The following CHRM3 variants were observed in gnomAD, a reference collection of about 807,000 sequenced individuals.
The protein encoded by CHRM3 is muscarinic acetylcholine receptor M3.
CHRM3 carries 11 observed loss-of-function variants against 41.8 expected under a neutral mutation model. That is an observed-to-expected ratio of 0.26 (90% CI 0.17 to 0.44). The LOEUF (loss-of-function observed/expected upper bound fraction) is 0.44, where lower values mean the gene tolerates loss of function less well. Among genes scored for constraint, CHRM3 ranks in the 20% least tolerant of loss-of-function variants. The pLI is 1.00. For missense variants in CHRM3, 571 were observed against 745.4 expected, an observed-to-expected ratio of 0.77 and a Z score of 2.72; for synonymous variants, 297 against 301.4, an observed-to-expected ratio of 0.99 and a Z score of 0.15.
At chr1:239,428,404 G>C (rs2103148627) in intron 1 of CHRM3, among the ~76,000 whole-genome samples, 1 of 152,314 alleles carries the variant, frequency 6.6e-6, no homozygotes, top group East Asian at 1.9e-4. Context: ...AATTGACAAG[G>C]AGTCAGGAAT....
chr1:239,517,178 G>A (rs977013339), intron 2 of CHRM3, among the ~76,000 whole-genome samples: 3 of 152,158 alleles, frequency 2.0e-5, no homozygotes, highest in Non-Finnish European at 2.9e-5. Flanking sequence ...GTGCCCAAAA[G>A]TTTGGAGGCC....
chr1:239,475,643 A>G (rs1666419198), intron 1 of CHRM3, among the ~76,000 whole-genome samples: 1 of 152,214 alleles, frequency 6.6e-6, no homozygotes, highest in African/African-American at 2.4e-5. Flanking sequence ...GTTAATAACA[A>G]TGTACCAACA....
At chr1:239,726,238 A>G (rs902804396) in intron 5 of CHRM3, among the ~76,000 whole-genome samples, 3 of 152,064 alleles carry the variant, frequency 2.0e-5, no homozygotes, top group East Asian at 3.9e-4. Flanking sequence ...ATGCTGTTAC[A>G]TTAACATGTA....
intron 6 of CHRM3, among the ~76,000 whole-genome samples, chr1:239,845,863 A>G (rs565554336): frequency 9.2e-5 from 14 of 152,238 alleles, no homozygotes; most frequent in African/African-American, 3.1e-4. Context: ...ACTACACATT[A>G]TTTTTGTTTT....
rs182204774 is a variant in CHRM3, at chr1:239,607,192, T to C, written c.-312-25032T>C. Among the ~76,000 whole-genome samples, 166 of 152,272 alleles carry C rather than the reference T, an allele frequency of 1.1e-3. 2 individuals carry two copies. Among genetic ancestry groups the C allele is most frequent in the Admixed American group, 8.4e-3 (128 of 15,292 alleles). On this transcript the variant is annotated intron_variant, in intron 3 of 6. Transcript: ENST00000676153. ...CATTCCCACAGGCTAACCCCATTCT[T>C]TCCCTGCAGCATTCACTTAATGACT...
intron 6 of CHRM3, among the ~76,000 whole-genome samples, chr1:239,841,124 A>G (rs1405911177): frequency 6.6e-6 from 1 of 152,226 alleles, no homozygotes; most frequent in Non-Finnish European, 1.5e-5. Flanking sequence ...AGATTAAGGG[A>G]GAACATGTTT....
chr1:239,487,358 C>T (rs533993055), intron 1 of CHRM3, among the ~76,000 whole-genome samples: 7 of 151,864 alleles, frequency 4.6e-5, no homozygotes, highest in African/African-American at 9.7e-5. Context: ...AATGAAAAAC[C>T]GAGTAGAATT....
chr1:239,601,123 G>A (rs527756617), intron 3 of CHRM3, among the ~76,000 whole-genome samples: 69 of 152,280 alleles, frequency 4.5e-4, no homozygotes, highest in African/African-American at 1.6e-3. Flanking sequence ...CACATTTCAG[G>A]AAATGTATTA....
At chr1:239,641,374 C>T (rs1167247072) in intron 4 of CHRM3, among the ~76,000 whole-genome samples, 1 of 150,294 alleles carries the variant, frequency 6.7e-6, no homozygotes, top group Non-Finnish European at 1.5e-5. Flanking sequence ...GTGTTAAAGT[C>T]TCCCATTATT....
chr1:239,640,602 A>G (rs372302759), intron 4 of CHRM3, among the ~76,000 whole-genome samples: 71 of 151,506 alleles, frequency 4.7e-4, no homozygotes, highest in African/African-American at 1.5e-3. Flanking sequence ...CTGTGGGATC[A>G]GTGGTGATAT....
At chr1:239,638,222 T>G (rs1283734455) in intron 4 of CHRM3, among the ~76,000 whole-genome samples, 1 of 150,796 alleles carries the variant, frequency 6.6e-6, no homozygotes, top group African/African-American at 2.4e-5. Context: ...GCAATAAACA[T>G]ACGTGTGCAT....
intron 1 of CHRM3, among the ~76,000 whole-genome samples, chr1:239,453,854 C>CA (rs1664738492): frequency 3.3e-5 from 5 of 151,980 alleles, no homozygotes; most frequent in Admixed American, 3.3e-4. Flanking sequence ...GGGAAGGCCT[C>CA]AAAACCACAA....
intron 3 of CHRM3, among the ~76,000 whole-genome samples, chr1:239,613,997 A>C (rs1029868812): frequency 1.3e-5 from 2 of 152,108 alleles, no homozygotes; most frequent in African/African-American, 4.8e-5. Context: ...CTCTACAAAA[A>C]AAATAAAATA....
chr1:239,642,820 C>T (rs1397365421), intron 4 of CHRM3, among the ~76,000 whole-genome samples: 1 of 152,176 alleles, frequency 6.6e-6, no homozygotes, highest in Non-Finnish European at 1.5e-5. Context: ...GAGCTGCGTT[C>T]CTTTGGAGGA....
rs187952645 is a variant in CHRM3 at position 239,728,776 on chromosome 1, C to T, written c.-147+50488C>T. Among the ~76,000 whole-genome samples, 44 of 151,854 alleles carry T rather than the reference C, an allele frequency of 2.9e-4. No individual in the cohort carries two copies. The East Asian group carries it at 8.2e-3, about 28-fold the overall frequency. On this transcript the variant is annotated intron_variant, in intron 5 of 6. Coordinates refer to ENST00000676153, the MANE Select transcript of CHRM3 (RefSeq NM_001375978.1). The stretch of plus-strand genomic sequence containing the variant: ...TTTGTCAAAGAGTCTCCATTGTGTG[C>T]ACACACACACACTCACATATACGCC...
chr1:239,806,159 C>G (rs191567194), intron 5 of CHRM3, among the ~76,000 whole-genome samples: 1 of 152,336 alleles, frequency 6.6e-6, no homozygotes, highest in Non-Finnish European at 1.5e-5. Flanking sequence ...CTGCCAGCCT[C>G]TAATTCAGTG....
chr1:239,498,004 A>G (rs1667993172), intron 2 of CHRM3, among the ~76,000 whole-genome samples: 1 of 152,186 alleles, frequency 6.6e-6, no homozygotes, highest in Non-Finnish European at 1.5e-5. Context: ...AATAACAGTA[A>G]CTTACTAACA....
chr1:239,540,602 G>C (rs1658681451), intron 2 of CHRM3, among the ~76,000 whole-genome samples: 1 of 152,118 alleles, frequency 6.6e-6, no homozygotes, highest in East Asian at 1.9e-4. Context: ...AAATTTTCGT[G>C]CTCTCAAAGA....
chr1:239,391,865 T>C (rs1225799014), intron 1 of CHRM3, among the ~76,000 whole-genome samples: 1 of 152,176 alleles, frequency 6.6e-6, no homozygotes, highest in Non-Finnish European at 1.5e-5. Flanking sequence ...ACCTTGCCTT[T>C]CCAAGCCTGC....
Sources: gnomAD v4.1 joint callset for allele counts (sites outside exome capture counted in the v4.1 genomes callset) on GRCh38, gnomAD v4.1.1 for gene constraint, MANE v1.5 for transcripts, NCBI Gene and HGNC (gene_info 2026-07-23, HGNC 2026-07-21) for gene names.